The following TAL1 variants were observed in gnomAD, a reference collection of about 807,000 sequenced individuals.
TAL1 encodes the protein TAL bHLH transcription factor 1, erythroid differentiation factor, also known as T-cell acute lymphocytic leukemia protein 1.
A neutral mutation model predicts 17.9 loss-of-function variants in TAL1; 8 were observed. That is an observed-to-expected ratio of 0.45 (90% CI 0.26 to 0.81). The LOEUF (loss-of-function observed/expected upper bound fraction) is 0.81, where lower values mean the gene tolerates loss of function less well. Ranked by LOEUF, TAL1 falls within the 30% of genes least tolerant of loss-of-function variation. The pLI, the probability that TAL1 is intolerant of heterozygous loss-of-function variation, is 0.17. For synonymous variants in TAL1, 223 were observed against 218.6 expected, an observed-to-expected ratio of 1.02 and a Z score of -0.18; for missense variants, 466 against 486.9, an observed-to-expected ratio of 0.96 and a Z score of 0.40.
At chr1:47,217,632 A>G (rs1645523516) in exon 4 of TAL1, 2 of 398,660 alleles carry the variant, frequency 5.0e-6, no homozygotes, top group Non-Finnish European at 8.8e-6. Context: ...AGTCCACACC[A>G]TAGCCCTAGG....
At chr1:47,230,722 A>T (rs1188892215), upstream of TAL1, 2 of 152,226 alleles carry the variant, frequency 1.3e-5, no homozygotes, top group African/African-American at 4.8e-5. Context: ...TGGGATGATT[A>T]TTTTAATTAA....
exon 4 of TAL1, chr1:47,220,113 C>T (rs779832793): frequency 1.2e-6 from 2 of 1,606,036 alleles, no homozygotes; most frequent in Non-Finnish European, 1.7e-6. Context: ...CGTTCACATT[C>T]TGCTGCCGCC....
At chr1:47,219,059 C>T (rs970230152) in exon 4 of TAL1, 8 of 326,314 alleles carry the variant, frequency 2.5e-5, no homozygotes, top group Non-Finnish European at 4.6e-5. Context: ...GAAAGCAGAA[C>T]TTTGATCCCC....
At chr1:47,224,178 A>G in intron 2 of TAL1, 80 bp from the exon 4 acceptor site, 1 of 1,417,904 alleles carries the variant, frequency 7.1e-7, no homozygotes, top group Non-Finnish European at 9.9e-7. Context: ...TCCTCCCCAC[A>G]TGTCTTGAGC....
intron 1 of TAL1, 22 bp from the exon 3 acceptor site, chr1:47,225,911 A>C (rs1376280092): frequency 7.9e-7 from 1 of 1,269,116 alleles, no homozygotes; most frequent in Non-Finnish European, 1.1e-6. Context: ...CAGACAGACA[A>C]GCGGATGCCC....
Position 47,219,618 on chromosome 1 carries a change from C to T in TAL1, c.*102G>A, listed in dbSNP as rs80117323. 3,279 of 1,537,986 alleles carry T rather than the reference C, an allele frequency of 2.1e-3. 66 individuals are homozygous for T. The African/African-American group carries it at 0.039, about 18-fold the overall frequency. ...CATCCAGGAAAGTTCAAGTCCACCG[C>T]CTTGCTTCAGAGCCGCCCAATTCTC... On this transcript the variant is annotated 3_prime_UTR_variant, in exon 4 of 4. Transcript: ENST00000294339.
intron 2 of TAL1, among the ~76,000 whole-genome samples, chr1:47,224,946 G>A (rs775302395): frequency 5.9e-5 from 9 of 152,178 alleles, no homozygotes; most frequent in East Asian, 1.9e-4. Context: ...GCAGAGATTC[G>A]GGGGAGGGTG....
chr1:47,218,013 G>A, exon 4 of TAL1: 1 of 354,186 alleles, frequency 2.8e-6, no homozygotes, highest in Non-Finnish European at 5.0e-6. Context: ...GGGGAAAGGA[G>A]CAGACATATT....
At chr1:47,226,313 G>C (rs1352389679) in intron 1 of TAL1, 3 of 164,530 alleles carry the variant, frequency 1.8e-5, no homozygotes, top group Non-Finnish European at 2.6e-5. Flanking sequence ...ATTCCGGATC[G>C]TGCTCTTTGG....
At chr1:47,223,216 G>A (rs1643859106) in intron 3 of TAL1, among the ~76,000 whole-genome samples, 2 of 152,132 alleles carry the variant, frequency 1.3e-5, no homozygotes, top group South Asian at 4.1e-4. Flanking sequence ...AAGTTCTGGG[G>A]GCATCTGGGT....
intron 3 of TAL1, among the ~76,000 whole-genome samples, chr1:47,221,422 A>T (rs1407429346): frequency 3.3e-5 from 5 of 152,212 alleles, no homozygotes; most frequent in Admixed American, 6.5e-5. Context: ...AGATACCAGC[A>T]CACATGTCTA....
At chr1:47,221,889 T>TCA (rs369767449) in intron 3 of TAL1, among the ~76,000 whole-genome samples, 2 of 152,040 alleles carry the variant, frequency 1.3e-5, no homozygotes, top group Admixed American at 6.6e-5. Context: ...GTGTGGGTGT[T>TCA]CACACACACA....
chr1:47,231,424 C>T (rs1376410741), upstream of TAL1, among the ~76,000 whole-genome samples: 1 of 150,960 alleles, frequency 6.6e-6, no homozygotes, highest in Admixed American at 6.6e-5. Flanking sequence ...CAACTCAGTG[C>T]GGACAGGACC....
At chr1:47,217,240 T>C (rs1054866224) in exon 4 of TAL1, 8 of 329,384 alleles carry the variant, frequency 2.4e-5, no homozygotes, top group Admixed American at 4.9e-5. Flanking sequence ...AAGTAAAAAT[T>C]AGCCAGGTGT....
chr1:47,229,643 C>T lies in TAL1; in HGVS notation c.-449G>A, dbSNP rs76007280. 170 of 154,756 alleles carry T rather than the reference C, an allele frequency of 1.1e-3. 3 individuals carry two copies. The East Asian group carries it at 0.025, about 23-fold the overall frequency. 9.6% of individuals were successfully genotyped at this position (154,756 alleles called of 1,614,324 possible). A position where few individuals can be genotyped will look rare whatever the true frequency, so the allele number is the denominator to read the frequency against. ...ACCCCTCCCGACAGGCTGTCTGGAACATTTTCGAACCCTCCAACTGGGATC... is the reference window on the plus strand; with the variant it reads ...ACCCCTCCCGACAGGCTGTCTGGAATATTTTCGAACCCTCCAACTGGGATC... On this transcript the variant is annotated 5_prime_UTR_variant, in exon 1 of 4. Coordinates refer to ENST00000294339, the Ensembl canonical transcript of TAL1.
exon 4 of TAL1, chr1:47,218,868 G>T: frequency 4.1e-6 from 1 of 243,550 alleles, no homozygotes; most frequent in South Asian, 1.5e-4. Flanking sequence ...GCATTCACTC[G>T]CCAGCATGAA....
intron 3 of TAL1, among the ~76,000 whole-genome samples, chr1:47,222,635 G>A (rs1007855150): frequency 3.3e-5 from 5 of 151,938 alleles, no homozygotes; most frequent in Admixed American, 6.5e-5. Context: ...CCTACCCTTC[G>A]CCTACATGTC....
At chr1:47,221,895 A>G (rs1569896832) in intron 3 of TAL1, among the ~76,000 whole-genome samples, 1 of 152,112 alleles carries the variant, frequency 6.6e-6, no homozygotes, top group East Asian at 1.9e-4. Context: ...GTGTTCACAC[A>G]CACACACTTT....
exon 4 of TAL1, chr1:47,219,891 C>A (rs769810586): frequency 1.9e-6 from 3 of 1,566,360 alleles, no homozygotes; most frequent in South Asian, 1.2e-5. Context: ...CATCTGGGGG[C>A]GCGCCGCCCC....
Sources: allele counts gnomAD v4.1 joint callset (sites outside exome capture counted in the v4.1 genomes callset), GRCh38; gene constraint gnomAD v4.1.1; transcripts MANE v1.5; gene names NCBI Gene and HGNC (gene_info 2026-07-23, HGNC 2026-07-21).